ZFPM2: variants seen among roughly 807,000 people sequenced by gnomAD.
The protein encoded by ZFPM2 is zinc finger protein ZFPM2.
In ZFPM2, 20 loss-of-function variants were observed where a neutral mutation model predicts 98.6. That is an observed-to-expected ratio of 0.20 (90% CI 0.14 to 0.29). ZFPM2 has a LOEUF of 0.29. ZFPM2 is among the 10% of genes least tolerant of loss of function. ZFPM2 has a pLI of 1.00. For missense variants in ZFPM2, 1,310 were observed against 1,388.6 expected, an observed-to-expected ratio of 0.94 and a Z score of 0.90; for synonymous variants, 518 against 502.7, an observed-to-expected ratio of 1.03 and a Z score of -0.41.
At chr8:105,725,090 G>A (rs1316442859) in intron 5 of ZFPM2, among the ~76,000 whole-genome samples, 1 of 151,658 alleles carries the variant, frequency 6.6e-6, no homozygotes, top group Non-Finnish European at 1.5e-5. Context: ...TTCCTTAAAA[G>A]TAACTTTACA....
intron 4 of ZFPM2, among the ~76,000 whole-genome samples, chr8:105,632,542 C>A (rs1183477922): frequency 6.6e-6 from 1 of 152,194 alleles, no homozygotes; most frequent in Admixed American, 6.5e-5. Context: ...TCATTAGGAC[C>A]TAATACTTAA....
intron 3 of ZFPM2, among the ~76,000 whole-genome samples, chr8:105,538,114 T>C (rs980320980): frequency 6.6e-6 from 1 of 152,166 alleles, no homozygotes; most frequent in Non-Finnish European, 1.5e-5. Flanking sequence ...GGTAATGATA[T>C]TGAATTCATA....
intron 4 of ZFPM2, among the ~76,000 whole-genome samples, chr8:105,607,437 A>T (rs544310992): frequency 3.3e-5 from 5 of 152,174 alleles, no homozygotes; most frequent in Middle Eastern, 3.4e-3. Flanking sequence ...ACCCCCTCTC[A>T]CTTTCACTCT....
chr8:105,444,247 T>C (rs780720931), intron 2 of ZFPM2, 33 bp from the exon 3 acceptor site: 1 of 1,547,204 alleles, frequency 6.5e-7, no homozygotes, highest in Non-Finnish European at 8.9e-7. Context: ...GCTTTGCTCA[T>C]TTTCTTTCTC....
chr8:105,413,482 TTATATA>T (rs200856542), intron 1 of ZFPM2, among the ~76,000 whole-genome samples: 124 of 140,008 alleles, frequency 8.9e-4, no homozygotes, highest in African/African-American at 2.1e-3. Context: ...AATTCAAACA[TTATATA>T]TATATATATA....
At chr8:105,526,330 A>T (rs1239165991) in intron 3 of ZFPM2, among the ~76,000 whole-genome samples, 3 of 152,150 alleles carry the variant, frequency 2.0e-5, no homozygotes, top group Non-Finnish European at 4.4e-5. Flanking sequence ...CCAAGAAAGT[A>T]TGAGGAGGTA....
intron 5 of ZFPM2, among the ~76,000 whole-genome samples, chr8:105,665,295 G>A (rs1817468419): frequency 6.6e-6 from 1 of 152,058 alleles, no homozygotes; most frequent in Admixed American, 6.5e-5. Flanking sequence ...GTTGTATTGA[G>A]AAATTAAGGT....
At chr8:105,754,741 A>C (rs1486398730) in intron 5 of ZFPM2, among the ~76,000 whole-genome samples, 2 of 151,538 alleles carry the variant, frequency 1.3e-5, no homozygotes, top group African/African-American at 4.8e-5. Context: ...TTTTTAACAC[A>C]GATATGTCTG....
At chr8:105,786,099 G>C (rs1347657418) in intron 5 of ZFPM2, among the ~76,000 whole-genome samples, 1 of 147,164 alleles carries the variant, frequency 6.8e-6, no homozygotes, top group Non-Finnish European at 1.5e-5. Context: ...CACGCCTGTA[G>C]TCCCAACTAC....
At chr8:105,347,941 A>C (rs1271542425) in intron 1 of ZFPM2, among the ~76,000 whole-genome samples, 1 of 152,330 alleles carries the variant, frequency 6.6e-6, no homozygotes, top group Non-Finnish European at 1.5e-5. Context: ...TTGTGTTGAA[A>C]TCACAGGCTA....
chr8:105,388,222 C>T (rs759223066), intron 1 of ZFPM2, among the ~76,000 whole-genome samples: 9 of 151,978 alleles, frequency 5.9e-5, no homozygotes, highest in African/African-American at 2.2e-4. Flanking sequence ...CACACAACTG[C>T]AGTACTGTGA....
intron 3 of ZFPM2, among the ~76,000 whole-genome samples, chr8:105,520,452 C>A (rs1413994296): frequency 6.6e-6 from 1 of 152,092 alleles, no homozygotes; most frequent in African/African-American, 2.4e-5. Context: ...CACTTTATTG[C>A]AGAATCCAGT....
At chr8:105,767,170 A>C (rs1381749831) in intron 5 of ZFPM2, among the ~76,000 whole-genome samples, 1 of 151,904 alleles carries the variant, frequency 6.6e-6, no homozygotes, top group Non-Finnish European at 1.5e-5. Flanking sequence ...ACAGGTGTAA[A>C]GATTTCAAAT....
chr8:105,723,163 T>G (rs1811710712), intron 5 of ZFPM2, among the ~76,000 whole-genome samples: 1 of 151,904 alleles, frequency 6.6e-6, no homozygotes, highest in Admixed American at 6.6e-5. Context: ...ACCCATTTTT[T>G]TTTCTGTATT....
chr8:105,595,515 A>G (rs1471873668), intron 4 of ZFPM2, among the ~76,000 whole-genome samples: 1 of 152,138 alleles, frequency 6.6e-6, no homozygotes, highest in Non-Finnish European at 1.5e-5. Context: ...GTTTTGAAGG[A>G]TGAATTAACT....
At chr8:105,498,149 G>A (rs62527191) in intron 3 of ZFPM2, among the ~76,000 whole-genome samples, 2 of 151,614 alleles carry the variant, frequency 1.3e-5, no homozygotes, top group African/African-American at 4.8e-5. Context: ...AATGAGCTTT[G>A]ATCATACCAC....
chr8:105,438,878 C>G (rs763864727), intron 2 of ZFPM2, among the ~76,000 whole-genome samples: 1 of 152,054 alleles, frequency 6.6e-6, no homozygotes, highest in African/African-American at 2.4e-5. Flanking sequence ...TGCTTCTGGT[C>G]TCTGAATTTC....
chr8:105,395,746 A>C (rs1307472862), intron 1 of ZFPM2, among the ~76,000 whole-genome samples: 1 of 152,224 alleles, frequency 6.6e-6, no homozygotes, highest in Non-Finnish European at 1.5e-5. Flanking sequence ...GACACACGTA[A>C]TTTATAACTT....
At chr8:105,725,786 C>T (rs1195548493) in intron 5 of ZFPM2, among the ~76,000 whole-genome samples, 1 of 151,630 alleles carries the variant, frequency 6.6e-6, no homozygotes, top group Non-Finnish European at 1.5e-5. Context: ...AAGTTATTAT[C>T]TCCAAAAAAT....
Sources: allele counts gnomAD v4.1 joint callset (sites outside exome capture counted in the v4.1 genomes callset), GRCh38; gene constraint gnomAD v4.1.1; transcripts MANE v1.5; gene names NCBI Gene and HGNC (gene_info 2026-07-23, HGNC 2026-07-21).